ASB8: variants seen among roughly 807,000 people sequenced by gnomAD.
ASB8 encodes ankyrin repeat and SOCS box protein 8.
In ASB8, 15 loss-of-function variants were observed where a neutral mutation model predicts 22.9. The observed-to-expected ratio is 0.66, with a 90% CI of 0.44 to 1.01. The LOEUF (loss-of-function observed/expected upper bound fraction) is 1.01. Ranked by LOEUF, ASB8 falls within the 50% of genes least tolerant of loss-of-function variation. ASB8 has a pLI of 0.00. For synonymous variants in ASB8, 124 were observed against 140.8 expected (o/e 0.88, Z 0.84); for missense variants, 294 against 356.9 (o/e 0.82, Z 1.42).
At chr12:48,150,555 C>T (rs1951183224) in intron 3 of ASB8, among the ~76,000 whole-genome samples, 1 of 152,052 alleles carries the variant, frequency 6.6e-6, no homozygotes, top group Non-Finnish European at 1.5e-5. Flanking sequence ...ACAAGAGAAC[C>T]CAAATGAAAG....
intron 1 of ASB8, among the ~76,000 whole-genome samples, chr12:48,154,772 T>C (rs1055914760): frequency 2.1e-4 from 32 of 151,800 alleles, no homozygotes; most frequent in Non-Finnish European, 4.4e-4. Flanking sequence ...AGCCCATCTG[T>C]ACTAAAAATA....
chr12:48,150,710 A>G (rs1157869378), intron 3 of ASB8, among the ~76,000 whole-genome samples: 2 of 152,228 alleles, frequency 1.3e-5, no homozygotes, highest in Non-Finnish European at 2.9e-5. Context: ...AAAAACCCTG[A>G]AACATTTAAG....
At chr12:48,155,780 A>ATT (rs537950041) in intron 1 of ASB8, among the ~76,000 whole-genome samples, 2,974 of 117,944 alleles carry the variant, frequency 0.025, 134 homozygotes, top group African/African-American at 0.077. Context: ...CTTTTGCTTT[A>ATT]TTTTTTTTTT....
chr12:48,151,678 G>C (rs1386765141), intron 2 of ASB8: 1 of 1,307,538 alleles, frequency 7.6e-7, no homozygotes, highest in Non-Finnish European at 1.0e-6. Flanking sequence ...GGAAAAGTAG[G>C]AAAGTGAGTC....
intron 1 of ASB8, chr12:48,153,961 T>A (rs1951247925): frequency 6.4e-6 from 1 of 155,292 alleles, no homozygotes; most frequent in Non-Finnish European, 1.4e-5. Flanking sequence ...GAAACTGTAA[T>A]CAACTGGAAG....
chr12:48,153,778 C>T (rs1951242914), intron 1 of ASB8: 1 of 234,912 alleles, frequency 4.3e-6, no homozygotes, highest in Admixed American at 5.1e-5. Context: ...CCGTGGAGCT[C>T]TGTGTGGTTT....
intron 2 of ASB8, chr12:48,151,671 A>C (rs916506055): frequency 5.3e-6 from 7 of 1,321,884 alleles, no homozygotes; most frequent in African/African-American, 1.5e-5. Flanking sequence ...ATGCTCTGGA[A>C]AAGTAGGAAA....
At chr12:48,155,215 G>C (rs990551592) in intron 1 of ASB8, among the ~76,000 whole-genome samples, 1 of 152,122 alleles carries the variant, frequency 6.6e-6, no homozygotes, top group Admixed American at 6.5e-5. Flanking sequence ...CACAGTATCA[G>C]CTCTCTAGGT....
intron 3 of ASB8, among the ~76,000 whole-genome samples, chr12:48,150,588 T>A (rs1371600352): frequency 6.6e-6 from 1 of 152,072 alleles, no homozygotes; most frequent in South Asian, 2.1e-4. Flanking sequence ...AGAGCACAAA[T>A]CTCCCAGTGC....
intron 1 of ASB8, among the ~76,000 whole-genome samples, chr12:48,155,738 A>AT (rs1555211484): frequency 1.9e-3 from 231 of 119,602 alleles, no homozygotes; most frequent in South Asian, 3.8e-3. Flanking sequence ...TCAAAAAAAA[A>AT]AAAAATATAT....
rs547070872 is a variant in ASB8 at position 48,153,435 on chromosome 12, C to T, written c.62G>A (p.Arg21His). 26 of 1,613,504 alleles carry T rather than the reference C, an allele frequency of 1.6e-5. No individual in the cohort carries two copies. In the Admixed American group the frequency reaches 1.8e-4, roughly 11 times the overall value. The change falls in exon 2 of 4, where the codon CGC becomes CAC. Residue 21 changes from arginine to histidine, a missense_variant. Transcript: ENST00000317697. ...SIQSKYSLSERLIRTIAAIRS... is the reference protein window; with the variant it reads ...SIQSKYSLSEHLIRTIAAIRS... Reference sequence around the variant, plus strand: ...GATGGCAGCAATTGTTCGGATTAAGCGCTCGGAGAGAGAGTATTTGCTCTG... The same window carrying T: ...GATGGCAGCAATTGTTCGGATTAAGTGCTCGGAGAGAGAGTATTTGCTCTG...
At position 48,149,992 on chromosome 12, in the gene ASB8, C is replaced by G. The variant is rs749369532; in HGVS notation, c.241G>C (p.Ala81Pro). 8.1e-6 allele frequency: 13 copies of G among 1,612,492 alleles called. No individual in the cohort carries two copies. In the Admixed American group the frequency reaches 2.0e-4, roughly 25 times the overall value. Residue 81 changes from alanine to proline, a missense_variant, in exon 4 of 4, where the codon GCC (alanine) becomes CCC (proline). Physicochemically the swap from Ala to Pro is conservative, Grantham distance 27 (BLOSUM62 -1). Transcript: ENST00000317697. ...GCTGTTCGGTTATACCCATCCAGGG[C>G]ATTCACCTGTAAAAAGGGAGGAACT... ...LLLEKGAEVN[A>P]LDGYNRTALH...
rs1951139424 is a variant in ASB8, at chr12:48,148,657, G to A, written c.*709C>T. The A allele has an allele frequency of 9.7e-6, 1 of 103,196 alleles. No individual in the cohort carries two copies. The highest frequency in any genetic ancestry group is 2.8e-4 in the South Asian group (1 of 3,520). 6.4% of individuals were successfully genotyped at this position (103,196 alleles called of 1,614,324 possible). On this transcript the variant is annotated 3_prime_UTR_variant, in exon 4 of 4. Transcript: ENST00000317697. ...AGTTTTTTCACAGATCAATTAAAATGGTTTTTTTTTTTTTTTTTTTTTTTT... is the reference window on the plus strand; with the variant it reads ...AGTTTTTTCACAGATCAATTAAAATAGTTTTTTTTTTTTTTTTTTTTTTTT...
intron 1 of ASB8, chr12:48,153,856 T>C (rs1592852482): frequency 1.1e-5 from 2 of 174,126 alleles, no homozygotes; most frequent in East Asian, 1.5e-4. Flanking sequence ...ATTTTCCTTC[T>C]TTGAATTTTT....
At chr12:48,153,568 A>C in intron 1 of ASB8, 39 bp from the exon 2 acceptor site, 1 of 1,528,850 alleles carries the variant, frequency 6.5e-7, no homozygotes, top group South Asian at 1.1e-5. Context: ...AATATCACTG[A>C]GCACACCTGT....
intron 2 of ASB8, among the ~76,000 whole-genome samples, chr12:48,152,538 T>C (rs1381792252): frequency 6.6e-6 from 1 of 152,226 alleles, no homozygotes; most frequent in East Asian, 1.9e-4. Flanking sequence ...AAACATCCGA[T>C]GGTTAAGGTG....
chr12:48,155,470 C>G (rs1440810606), intron 1 of ASB8, among the ~76,000 whole-genome samples: 2 of 151,988 alleles, frequency 1.3e-5, no homozygotes, highest in African/African-American at 4.8e-5. Context: ...GCCTGTAATC[C>G]CAGCACTTTG....
At position 48,151,231 on chromosome 12, in the gene ASB8, ACAGT is replaced by A; in HGVS notation, c.200_203del (p.Asp67ValfsTer12). On this transcript the variant is annotated frameshift_variant, in exon 3 of 4. Transcript: ENST00000317697. LOFTEE classifies it high-confidence loss of function. ...CTCCTTTTTCCAGAAGTAACTCCAC[ACAGT>A]CAGCATCTGACACCATACAGGCACA... 6.2e-7 allele frequency: 1 copy of A among 1,614,004 alleles called. No homozygotes were observed. Among genetic ancestry groups the A allele is most frequent in the Non-Finnish European group, 8.5e-7 (1 of 1,179,860 alleles).
In ASB8 at chr12:48,151,183, A is replaced by C. The variant is rs756060032; in HGVS notation, c.234+18T>G. On this transcript the variant is annotated intron_variant, in intron 3 of 3. Coordinates refer to ENST00000317697, the MANE Select transcript of ASB8 (RefSeq NM_024095.5). ...AAGTTTTAGTGAGTCATTAATGTGAATGTGTTAAAAACATTACCTCGGCTC... is the reference window on the plus strand; with the variant it reads ...AAGTTTTAGTGAGTCATTAATGTGACTGTGTTAAAAACATTACCTCGGCTC... 9 of 1,567,992 alleles carry C rather than the reference A, an allele frequency of 5.7e-6. No individual in the cohort carries two copies. The South Asian group carries it at 7.8e-5, about 14-fold the overall frequency.
Sources: allele counts gnomAD v4.1 joint callset (sites outside exome capture counted in the v4.1 genomes callset), GRCh38; gene constraint gnomAD v4.1.1; transcripts MANE v1.5; gene names NCBI Gene and HGNC (gene_info 2026-07-23, HGNC 2026-07-21).